ADAMTS16: variants seen among roughly 807,000 people sequenced by gnomAD.
The protein encoded by ADAMTS16 is A disintegrin and metalloproteinase with thrombospondin motifs 16.
Under a neutral mutation model 145.8 loss-of-function variants are expected in ADAMTS16, and 94 were observed. That is an observed-to-expected ratio of 0.64 (90% CI 0.55 to 0.77). The LOEUF is 0.77. Ranked by LOEUF, ADAMTS16 falls within the 30% of genes least tolerant of loss-of-function variation. The pLI, the probability that ADAMTS16 is intolerant of heterozygous loss-of-function variation, is 0.00. For missense variants in ADAMTS16, 1,585 were observed against 1,591.5 expected (o/e 1.00, Z 0.07); for synonymous variants, 659 against 604.3 (o/e 1.09, Z -1.33).
rs199944943 is a variant in ADAMTS16, at chr5:5,232,472, C to A, written c.1806C>A (p.Cys602Ter). ...WSSWSPCSRT[C>*]GGGVSHRSRL... ...CTTGGTCCCCATGCTCCAGGACCTG[C>A]GGAGGGGGAGTATCTCATAGGAGTC... The change falls in exon 12 of 23, where the codon TGC becomes TGA. Residue 602 changes from cysteine to a stop codon, truncating the protein, a stop_gained. Transcript: ENST00000274181. LOFTEE classifies it high-confidence loss of function. The A allele has an allele frequency of 3.1e-6, 5 of 1,613,804 alleles. No individual in the cohort carries two copies. The highest frequency in any genetic ancestry group is 2.7e-5 in the African/African-American group (2 of 74,838).
intron 18 of ADAMTS16, 112 bp downstream of exon 18, chr5:5,262,895 T>A: frequency 4.1e-6 from 6 of 1,477,362 alleles, no homozygotes; most frequent in African/African-American, 2.8e-5. Flanking sequence ...ATGTCACTCA[T>A]AACAGTGGAG....
intron 20 of ADAMTS16, among the ~76,000 whole-genome samples, chr5:5,304,333 A>C (rs1739931413): frequency 6.6e-6 from 1 of 152,136 alleles, no homozygotes; most frequent in African/African-American, 2.4e-5. Context: ...GGAGCCCTTC[A>C]TCATGGGAAT....
intron 18 of ADAMTS16, among the ~76,000 whole-genome samples, chr5:5,287,246 G>A (rs1206366909): frequency 6.6e-6 from 1 of 152,122 alleles, no homozygotes; most frequent in African/African-American, 2.4e-5. Flanking sequence ...AGCATCTATT[G>A]GCCAGAAAAA....
chr5:5,195,764 G>GCCC (rs1735783684), intron 8 of ADAMTS16, among the ~76,000 whole-genome samples: 2 of 152,186 alleles, frequency 1.3e-5, no homozygotes, highest in Non-Finnish European at 2.9e-5. Flanking sequence ...GGCACAATTT[G>GCCC]CATTCTGAGA....
intron 3 of ADAMTS16, among the ~76,000 whole-genome samples, chr5:5,171,255 CCTTT>C (rs1238956809): frequency 4.6e-5 from 7 of 151,864 alleles, no homozygotes; most frequent in South Asian, 2.1e-4. Context: ...ATTTGAATGC[CCTTT>C]CTTTCTTTCT....
chr5:5,197,491 G>A (rs1451970250), intron 8 of ADAMTS16, among the ~76,000 whole-genome samples: 1 of 152,188 alleles, frequency 6.6e-6, no homozygotes, highest in Non-Finnish European at 1.5e-5. Context: ...GGGGCTGTGA[G>A]CATGGATAAG....
At chr5:5,152,026 C>T (rs1579274177) in intron 3 of ADAMTS16, among the ~76,000 whole-genome samples, 1 of 152,168 alleles carries the variant, frequency 6.6e-6, no homozygotes, top group South Asian at 2.1e-4. Flanking sequence ...TGGCTTATTT[C>T]ACTTAGCATA....
Position 5,209,256 on chromosome 5 carries a change from T to A in ADAMTS16, c.1605+10T>A. On this transcript the variant is annotated intron_variant, in intron 10 of 22. Transcript: ENST00000274181. ...GCTGGACTTTAAAAAGGCAAGTGAT[T>A]ATTGGCACATGCTCAATGCAACATG... is the stretch of plus-strand genomic sequence containing the variant. 6.2e-7 allele frequency: 1 copy of A among 1,613,334 alleles called. No homozygotes were observed. The highest frequency in any genetic ancestry group is 8.5e-7 in the Non-Finnish European group (1 of 1,179,570).
intron 18 of ADAMTS16, among the ~76,000 whole-genome samples, chr5:5,285,366 T>G (rs1579379599): frequency 1.3e-5 from 2 of 152,342 alleles, no homozygotes; most frequent in African/African-American, 4.8e-5. Flanking sequence ...GTGGCCACTG[T>G]GCCCACATCT....
intron 4 of ADAMTS16, 78 bp from the exon 5 acceptor site, chr5:5,185,965 TGAGACCAAA>T: frequency 1.7e-6 from 2 of 1,198,686 alleles, no homozygotes; most frequent in Admixed American, 1.9e-5. Context: ...TGTTCATTTT[TGAGACCAAA>T]TTTCTCTATG....
intron 18 of ADAMTS16, among the ~76,000 whole-genome samples, chr5:5,286,289 C>A (rs938909189): frequency 5.9e-5 from 9 of 152,122 alleles, no homozygotes; most frequent in African/African-American, 2.2e-4. Flanking sequence ...CTTTTTGCAG[C>A]ATAGACCAAT....
intron 3 of ADAMTS16, among the ~76,000 whole-genome samples, chr5:5,147,818 GCCTTGC>G (rs1734344116): frequency 6.6e-6 from 1 of 152,208 alleles, no homozygotes; most frequent in African/African-American, 2.4e-5. Flanking sequence ...AGCGAGGTGT[GCCTTGC>G]CCTTTACACT....
At chr5:5,213,072 A>G (rs1021835554) in intron 10 of ADAMTS16, among the ~76,000 whole-genome samples, 5 of 152,252 alleles carry the variant, frequency 3.3e-5, no homozygotes, top group Admixed American at 3.3e-4. Context: ...AAATCCATGC[A>G]TCCCTCTTCC....
At chr5:5,271,852 A>G (rs1419230061) in intron 18 of ADAMTS16, among the ~76,000 whole-genome samples, 1 of 152,142 alleles carries the variant, frequency 6.6e-6, no homozygotes, top group Non-Finnish European at 1.5e-5. Context: ...TCCACTTGAT[A>G]TTTGGATGGC....
At chr5:5,307,255 G>A (rs557531998) in intron 21 of ADAMTS16, among the ~76,000 whole-genome samples, 5 of 152,108 alleles carry the variant, frequency 3.3e-5, no homozygotes, top group Non-Finnish European at 5.9e-5. Flanking sequence ...CTTTCGGGTC[G>A]GGGTGGGCCC....
chr5:5,280,469 CA>C (rs1305843229), intron 18 of ADAMTS16, among the ~76,000 whole-genome samples: 4 of 152,016 alleles, frequency 2.6e-5, no homozygotes, highest in Non-Finnish European at 4.4e-5. Context: ...GTTTGTATTC[CA>C]GGGGTGCATC....
intron 18 of ADAMTS16, among the ~76,000 whole-genome samples, chr5:5,289,426 G>T (rs1739219051): frequency 6.6e-6 from 1 of 152,216 alleles, no homozygotes; most frequent in South Asian, 2.1e-4. Flanking sequence ...TGGGCTTGTT[G>T]TTGTTTGTTG....
intron 3 of ADAMTS16, 93 bp downstream of exon 3, chr5:5,146,548 G>A (rs1734302618): frequency 1.1e-5 from 14 of 1,302,192 alleles, no homozygotes; most frequent in South Asian, 1.4e-5. Flanking sequence ...TCGCATAGAT[G>A]TTCTTCTAGT....
At chr5:5,187,844 C>A in intron 6 of ADAMTS16, 36 bp downstream of exon 6, 2 of 1,370,772 alleles carry the variant, frequency 1.5e-6, no homozygotes, top group South Asian at 1.2e-5. Context: ...TCTTTTTATT[C>A]CTAGAAAAAT....
Sources: gnomAD v4.1 joint callset for allele counts (sites outside exome capture counted in the v4.1 genomes callset) on GRCh38, gnomAD v4.1.1 for gene constraint, MANE v1.5 for transcripts, NCBI Gene and HGNC (gene_info 2026-07-23, HGNC 2026-07-21) for gene names.